NPAP1: variants seen among roughly 807,000 people sequenced by gnomAD.
The protein encoded by NPAP1 is nuclear pore associated protein 1.
For synonymous variants in NPAP1, 616 were observed against 581.4 expected (o/e 1.06, Z -0.86); for missense variants, 1,483 against 1,454.5 (o/e 1.02, Z -0.32).
rs2049024357 is a variant in NPAP1, at chr15:24,682,595, C to T, written c.*3257C>T. 6.0e-6 allele frequency: 1 copy of T among 167,026 alleles called. No individual in the cohort carries two copies. Among genetic ancestry groups the T allele is most frequent in the Non-Finnish European group, 1.5e-5 (1 of 68,100 alleles). 10.3% of individuals were successfully genotyped at this position (167,026 alleles called of 1,614,324 possible). ...TCAACCTTCCTACCACAGTTCCCTC[C>T]TCCAGAGATAGTGTTTAGCTACTTT... On this transcript the variant is annotated 3_prime_UTR_variant, in exon 1 of 1. Transcript: ENST00000329468.
At position 24,681,712 on chromosome 15, in the gene NPAP1, T is replaced by C. The variant is rs1482295526; in HGVS notation, c.*2374T>C. ...TTTAGAATTGTAGAAAATAATTGAA[T>C]GTTGTTTAAGCTACCAGTCTGTGGC... On this transcript the variant is annotated 3_prime_UTR_variant, in exon 1 of 1. Coordinates refer to ENST00000329468, the MANE Select transcript of NPAP1 (RefSeq NM_018958.3). 2 of 166,992 alleles carry C rather than the reference T, an allele frequency of 1.2e-5. No individual in the cohort carries two copies. The highest frequency in any genetic ancestry group is 4.8e-5 in the African/African-American group (2 of 41,440). The allele number at this position is 166,992 out of a possible 1,614,324, so 10.3% of individuals were successfully genotyped here.
chr15:24,678,415 T>G lies in NPAP1; in HGVS notation c.2548T>G (p.Phe850Val), dbSNP rs1189839429. ...CTCCAGGAAGGAGGAGTACATCCGA[T>G]TTTATATGGGGCTTCCTGGTTCTGG... Reference protein sequence around the residue: ...FVSRKEEYIRFYMGLPGSGNT... With the variant: ...FVSRKEEYIRVYMGLPGSGNT... The change falls in exon 1 of 1, where the codon TTT becomes GTT. Residue 850 changes from phenylalanine to valine, a missense_variant. Transcript: ENST00000329468. 1 of 1,613,936 alleles carries G rather than the reference T, an allele frequency of 6.2e-7. No homozygotes were observed. Among genetic ancestry groups the G allele is most frequent in the Non-Finnish European group, 8.5e-7 (1 of 1,179,982 alleles).
rs2141308582 is a variant in NPAP1, at chr15:24,676,705, G to C, written c.838G>C (p.Val280Leu). 3 of 1,614,108 alleles carry C rather than the reference G, an allele frequency of 1.9e-6. No individual in the cohort carries two copies. The South Asian group carries it at 3.3e-5, about 18-fold the overall frequency. The change falls in exon 1 of 1, where the codon GTG (valine) becomes CTG (leucine). Residue 280 changes from valine (V) to leucine (L), a missense_variant. Transcript: ENST00000329468. ...GCTGCAGCAGAAGTTGGCTGCGGAA[G>C]TGCTGAATGAAGAGCCACCGCCCAG... ...SLLQQKLAAEVLNEEPPPSSL... is the reference protein window; with the variant it reads ...SLLQQKLAAELLNEEPPPSSL...
chr15:24,682,309 C>A lies in NPAP1; in HGVS notation c.*2971C>A, dbSNP rs994328315. 2 of 166,974 alleles carry A rather than the reference C, an allele frequency of 1.2e-5. No individual in the cohort carries two copies. Among genetic ancestry groups the A allele is most frequent in the Non-Finnish European group, 1.5e-5 (1 of 68,090 alleles). The allele number at this position is 166,974 out of a possible 1,614,324, so 10.3% of individuals were successfully genotyped here. ...AGAAGTAGAGTGGAAATCCAGTTTT[C>A]TTCTAATAGCCCTATACCCTTGCAG... On this transcript the variant is annotated 3_prime_UTR_variant, in exon 1 of 1. Transcript: ENST00000329468.
chr15:24,678,698 G>T lies in NPAP1; in HGVS notation c.2831G>T (p.Gly944Val), dbSNP rs1435443600. The stretch of plus-strand genomic sequence containing the variant: ...CTGAGTGGCAGCATAATTCCACCAG[G>T]TTTTGCAGAGTTAACATCACCATAT... ...QPLSGSIIPP[G>V]FAELTSPYTA... The change falls in exon 1 of 1, where the codon GGT (glycine) becomes GTT (valine). Residue 944 changes from glycine (G) to valine (V), a missense_variant. Transcript: ENST00000329468. 6.2e-7 allele frequency: 1 copy of T among 1,614,164 alleles called. No homozygotes were observed.
rs2049020191 is a variant in NPAP1 at position 24,681,927 on chromosome 15, A to G, written c.*2589A>G. ...GCCTTTATTAGGCAATTCAAATAGA[A>G]GAATAGAAGAACCCCCTTTTTTTTT... On this transcript the variant is annotated 3_prime_UTR_variant, in exon 1 of 1. Transcript: ENST00000329468. 6.0e-6 allele frequency: 1 copy of G among 166,992 alleles called. No individual in the cohort carries two copies. The highest frequency in any genetic ancestry group is 6.6e-5 in the Admixed American group (1 of 15,250). 10.3% of individuals were successfully genotyped at this position (166,992 alleles called of 1,614,324 possible). A position where few individuals can be genotyped will look rare whatever the true frequency, so the allele number is the denominator to read the frequency against.
rs753508615 is a variant in NPAP1 at position 24,676,179 on chromosome 15, C to A, written c.312C>A (p.Asn104Lys). The A allele has an allele frequency of 1.3e-6, 2 of 1,569,922 alleles. No individual in the cohort carries two copies. The highest frequency in any genetic ancestry group is 1.4e-5 in the African/African-American group (1 of 73,174). Residue 104 changes from asparagine (N) to lysine (K), a missense_variant, in exon 1 of 1, where the codon AAC becomes AAA. Asn to Lys is a moderately conservative substitution (Grantham distance 94). Transcript: ENST00000329468. ...IRKTPMLPAR[N>K]PPRFGHPSSV... The stretch of plus-strand genomic sequence containing the variant: ...AGACACCCATGCTGCCTGCTCGGAA[C>A]CCCCCGAGGTTTGGACACCCCAGTT...
At position 24,681,615 on chromosome 15, in the gene NPAP1, G is replaced by T. The variant is rs1312807231; in HGVS notation, c.*2277G>T. ...TGCCATGTGAAGGTATACCAACAAGGTAACAGTCTGTAAGCCAGGAAAAGA... is the reference window on the plus strand; with the variant it reads ...TGCCATGTGAAGGTATACCAACAAGTTAACAGTCTGTAAGCCAGGAAAAGA... On this transcript the variant is annotated 3_prime_UTR_variant, in exon 1 of 1. Transcript: ENST00000329468. 1 of 167,004 alleles carries T rather than the reference G, an allele frequency of 6.0e-6. No homozygotes were observed. The highest frequency in any genetic ancestry group is 1.5e-5 in the Non-Finnish European group (1 of 68,118). 10.3% of individuals were successfully genotyped at this position (167,004 alleles called of 1,614,324 possible).
rs371377318 is a variant in NPAP1, at chr15:24,678,789, T to C, written c.2922T>C (p.Asn974=). ...VEGHNASAFP[N]GTAKTSGFRI... ...GTCACAATGCAAGTGCTTTCCCCAATGGCACAGCAAAGACTTCTGGATTTA... is the reference window on the plus strand; with the variant it reads ...GTCACAATGCAAGTGCTTTCCCCAACGGCACAGCAAAGACTTCTGGATTTA... Residue 974 remains asparagine, a synonymous_variant, in exon 1 of 1, where the codon AAT becomes AAC. Transcript: ENST00000329468. The C allele has an allele frequency of 2.5e-6, 4 of 1,614,070 alleles. No homozygotes were observed. In the African/African-American group the frequency reaches 5.3e-5, roughly 22 times the overall value.
Position 24,682,762 on chromosome 15 carries a change from G to C in NPAP1, c.*3424G>C, listed in dbSNP as rs1367511118. On this transcript the variant is annotated 3_prime_UTR_variant, in exon 1 of 1. Coordinates refer to ENST00000329468, the MANE Select transcript of NPAP1 (RefSeq NM_018958.3). Reference sequence around the variant, plus strand: ...TTTCCCATAAAAAAAAAATGTTTTTGGTTTCTAGAATTTTCAAATAGTATT... The same window carrying C: ...TTTCCCATAAAAAAAAAATGTTTTTCGTTTCTAGAATTTTCAAATAGTATT... 1 of 166,432 alleles carries C rather than the reference G, an allele frequency of 6.0e-6. No homozygotes were observed. The highest frequency in any genetic ancestry group is 1.5e-5 in the Non-Finnish European group (1 of 67,960). 10.3% of individuals were successfully genotyped at this position (166,432 alleles called of 1,614,324 possible). A position where few individuals can be genotyped will look rare whatever the true frequency, so the allele number is the denominator to read the frequency against.
the NPAP1 span, chr15:24,679,335 G>GT: frequency 6.2e-7 from 1 of 1,606,534 alleles, no homozygotes; most frequent in Non-Finnish European, 8.5e-7. Flanking sequence ...TCCAACTTCC[G>GT]TAAGAGCACC....
rs748544114 is a variant in NPAP1 at position 24,677,600 on chromosome 15, T to G, written c.1733T>G (p.Met578Arg). Residue 578 changes from methionine (M) to arginine (R), a missense_variant, in exon 1 of 1, where the codon ATG (methionine) becomes AGG (arginine). Coordinates refer to ENST00000329468, the MANE Select transcript of NPAP1 (RefSeq NM_018958.3). ...QTAVDPEVVN[M>R]DTTAPSQVVI... Reference sequence around the variant, plus strand: ...GCGGTAGACCCTGAAGTAGTTAATATGGATACTACTGCCCCATCTCAGGTT... The same window carrying G: ...GCGGTAGACCCTGAAGTAGTTAATAGGGATACTACTGCCCCATCTCAGGTT... 1.2e-6 allele frequency: 2 copies of G among 1,614,206 alleles called. No homozygotes were observed. The highest frequency in any genetic ancestry group is 3.3e-5 in the Admixed American group (2 of 60,024).
At position 24,678,139 on chromosome 15, in the gene NPAP1, A is replaced by G. The variant is rs1317658999; in HGVS notation, c.2272A>G (p.Thr758Ala). 6.2e-7 allele frequency: 1 copy of G among 1,611,288 alleles called. No individual in the cohort carries two copies. The highest frequency in any genetic ancestry group is 1.7e-5 in the Admixed American group (1 of 59,758). ...LPAQSVRAPA[T>A]ASNHPLNPGA... ...TGCACAGTCAGTCAGGGCACCAGCT[A>G]CAGCTTCCAACCATCCTTTAAATCC... is the stretch of plus-strand genomic sequence containing the variant. Residue 758 changes from threonine to alanine, a missense_variant, in exon 1 of 1, where the codon ACA becomes GCA. Transcript: ENST00000329468.
Position 24,677,102 on chromosome 15 carries a change from C to T in NPAP1, c.1235C>T (p.Pro412Leu), listed in dbSNP as rs8030741. ...SQPVQTTDSL[P>L]LTTYTSQVSA... is the part of the protein sequence containing the mutation. ...CCTGTGCAGACCACAGACTCCCTGC[C>T]CCTGACCACTTACACTTCCCAGGTC... Residue 412 changes from proline (P) to leucine (L), a missense_variant, in exon 1 of 1, where the codon CCC becomes CTC. Coordinates refer to ENST00000329468, the MANE Select transcript of NPAP1 (RefSeq NM_018958.3). 4.9e-5 allele frequency: 79 copies of T among 1,614,156 alleles called. No individual in the cohort carries two copies. Among genetic ancestry groups the T allele is most frequent in the African/African-American group, 1.5e-4 (11 of 75,036 alleles).
chr15:24,678,692 C>T lies in NPAP1; in HGVS notation c.2825C>T (p.Pro942Leu), dbSNP rs2141313231. Residue 942 changes from proline to leucine, a missense_variant, in exon 1 of 1, where the codon CCA (proline) becomes CTA (leucine). Transcript: ENST00000329468. ...SVQPLSGSIIPPGFAELTSPY... is the reference protein window; with the variant it reads ...SVQPLSGSIILPGFAELTSPY... ...CAGCCACTGAGTGGCAGCATAATTC[C>T]ACCAGGTTTTGCAGAGTTAACATCA... 1.2e-6 allele frequency: 2 copies of T among 1,614,150 alleles called. No individual in the cohort carries two copies. The highest frequency in any genetic ancestry group is 1.7e-6 in the Non-Finnish European group (2 of 1,180,040).
chr15:24,677,951 T>C lies in NPAP1; in HGVS notation c.2084T>C (p.Ile695Thr), dbSNP rs750616717. The C allele has an allele frequency of 1.7e-5, 28 of 1,613,358 alleles. No homozygotes were observed. Among genetic ancestry groups the C allele is most frequent in the Middle Eastern group, 1.6e-4 (1 of 6,080 alleles). The stretch of plus-strand genomic sequence containing the variant: ...ACAGCATCATCATCCAAACCTCCCA[T>C]TGAAACCAATGCTATGCATACCACT... Reference protein sequence around the residue: ...ASTASSSKPPIETNAMHTTPP... With the variant: ...ASTASSSKPPTETNAMHTTPP... The change falls in exon 1 of 1, where the codon ATT becomes ACT. Residue 695 changes from isoleucine to threonine, a missense_variant. Physicochemically the swap from Ile to Thr is moderately conservative, Grantham distance 89. Transcript: ENST00000329468.
In NPAP1 at chr15:24,679,144, C is replaced by T. The variant is rs779343783; in HGVS notation, c.3277C>T (p.Pro1093Ser). Residue 1093 changes from proline (P) to serine (S), a missense_variant, in exon 1 of 1, where the codon CCA (proline) becomes TCA (serine). Transcript: ENST00000329468. ...TGCCGCCTACATTCCTGGTTTAGACCCACCTACCCAGAATTCATGCAGTGG... is the reference window on the plus strand; with the variant it reads ...TGCCGCCTACATTCCTGGTTTAGACTCACCTACCCAGAATTCATGCAGTGG... ...SAAAYIPGLD[P>S]PTQNSCSGMG... 1.2e-6 allele frequency: 2 copies of T among 1,614,170 alleles called. No individual in the cohort carries two copies. Among genetic ancestry groups the T allele is most frequent in the South Asian group, 2.2e-5 (2 of 91,074 alleles).
Position 24,679,374 on chromosome 15 carries a change from T to A in NPAP1, c.*36T>A, listed in dbSNP as rs2141314701. ...GGTTCACCTGATCACACCACATCAGTTGTGGTTGTAAATACCAGCATTATC... is the reference window on the plus strand; with the variant it reads ...GGTTCACCTGATCACACCACATCAGATGTGGTTGTAAATACCAGCATTATC... On this transcript the variant is annotated 3_prime_UTR_variant, in exon 1 of 1. Coordinates refer to ENST00000329468, the MANE Select transcript of NPAP1 (RefSeq NM_018958.3). 5 of 1,419,168 alleles carry A rather than the reference T, an allele frequency of 3.5e-6. No homozygotes were observed. Among genetic ancestry groups the A allele is most frequent in the Non-Finnish European group, 4.9e-6 (5 of 1,015,370 alleles). The allele number at this position is 1,419,168 out of a possible 1,614,324, so 87.9% of individuals were successfully genotyped here. A position where few individuals can be genotyped will look rare whatever the true frequency, so the allele number is the denominator to read the frequency against.
Position 24,681,816 on chromosome 15 carries a change from T to TGATA in NPAP1, c.*2503_*2506dup, listed in dbSNP as rs148670496. ...TACATAGATAGATGATAGAGATAGA[T>TGATA]GATAGATAGATAGATAGATAGATAG... On this transcript the variant is annotated 3_prime_UTR_variant, in exon 1 of 1. Coordinates refer to ENST00000329468, the MANE Select transcript of NPAP1 (RefSeq NM_018958.3). 7,794 of 165,062 alleles carry TGATA rather than the reference T, an allele frequency of 0.047. 416 individuals are homozygous for TGATA. Among genetic ancestry groups the TGATA allele is most frequent in the African/African-American group, 0.13 (5,464 of 40,932 alleles). The allele number at this position is 165,062 out of a possible 1,614,324, so 10.2% of individuals were successfully genotyped here. A position where few individuals can be genotyped will look rare whatever the true frequency, so the allele number is the denominator to read the frequency against.
Sources: allele counts gnomAD v4.1 joint callset, GRCh38; gene constraint gnomAD v4.1.1; transcripts MANE v1.5; gene names NCBI Gene and HGNC (gene_info 2026-07-23, HGNC 2026-07-21).